CRB1: variants seen among roughly 807,000 people sequenced by gnomAD.
CRB1 encodes protein crumbs homolog 1.
In CRB1, 83 loss-of-function variants were observed where a neutral mutation model predicts 120.0. That is an observed-to-expected ratio of 0.69 (90% CI 0.58 to 0.83). The LOEUF (loss-of-function observed/expected upper bound fraction) is 0.83, where lower values mean the gene tolerates loss of function less well. Among genes scored for constraint, CRB1 ranks in the 40% least tolerant of loss-of-function variants. CRB1 has a pLI of 0.00. For missense variants in CRB1, 1,699 were observed against 1,687.6 expected, an observed-to-expected ratio of 1.01 and a Z score of -0.12; for synonymous variants, 625 against 612.5, an observed-to-expected ratio of 1.02 and a Z score of -0.30.
chr1:197,298,758 G>A (rs1656689057), intron 1 of CRB1, among the ~76,000 whole-genome samples: 1 of 151,908 alleles, frequency 6.6e-6, no homozygotes, highest in African/African-American at 2.4e-5. Context: ...TAAGAGAAAT[G>A]GTATTGCCAT....
chr1:197,363,010 G>A (rs1334414227), intron 5 of CRB1, among the ~76,000 whole-genome samples: 1 of 151,890 alleles, frequency 6.6e-6, no homozygotes, highest in Non-Finnish European at 1.5e-5. Flanking sequence ...TTTCTGTATA[G>A]TGTTTTTAAA....
At chr1:197,393,259 A>G (rs928271063) in intron 5 of CRB1, among the ~76,000 whole-genome samples, 5 of 152,126 alleles carry the variant, frequency 3.3e-5, no homozygotes, top group Non-Finnish European at 7.4e-5. Flanking sequence ...TTCTAGAAGT[A>G]GTCATGGAAA....
At chr1:197,226,960 C>T in the CRB1 span, among the ~76,000 whole-genome samples, 341 of 152,190 alleles carry the variant, frequency 2.2e-3, 3 homozygotes, top group African/African-American at 7.9e-3. Flanking sequence ...GGGGAAACTG[C>T]CCCCATGATT....
chr1:197,448,379 G>C (rs943143723), intron 11 of CRB1, among the ~76,000 whole-genome samples: 5 of 152,128 alleles, frequency 3.3e-5, no homozygotes. Flanking sequence ...AGTTCCACTG[G>C]TCTAGTGCCT....
At chr1:197,264,385 T>C (rs115761303), upstream of CRB1, among the ~76,000 whole-genome samples, 977 of 152,284 alleles carry the variant, frequency 6.4e-3, 14 homozygotes, top group African/African-American at 0.023. Context: ...GATGGACATT[T>C]AGGTTAGTTC....
chr1:197,260,467 A>G, the CRB1 span, among the ~76,000 whole-genome samples: 6 of 152,068 alleles, frequency 3.9e-5, no homozygotes, highest in African/African-American at 1.4e-4. Flanking sequence ...TTAAAATAAA[A>G]TTTGGAATAA....
In CRB1 at chr1:197,442,274, C is replaced by A; in HGVS notation, c.3987C>A (p.Gly1329=). 2 of 1,614,148 alleles carry A rather than the reference C, an allele frequency of 1.2e-6. No homozygotes were observed. The highest frequency in any genetic ancestry group is 1.7e-5 in the Admixed American group (1 of 60,020). Residue 1329 remains glycine (G), a synonymous_variant, in exon 11 of 12, where the codon GGC becomes GGA. Transcript: ENST00000367400. ...GCCTCTGTGATGTTGCCTTTGCTGGCGAGCGCTGCGAGGTGGACGTAAGCA... is the reference window on the plus strand; with the variant it reads ...GCCTCTGTGATGTTGCCTTTGCTGGAGAGCGCTGCGAGGTGGACGTAAGCA... ...FQCLCDVAFA[G]ERCEVDLADD...
intron 5 of CRB1, among the ~76,000 whole-genome samples, chr1:197,368,321 T>C (rs1558087106): frequency 1.3e-5 from 2 of 152,218 alleles, no homozygotes; most frequent in Non-Finnish European, 2.9e-5. Flanking sequence ...TTTGCTTCTA[T>C]CCTCGTTTAC....
In CRB1 at chr1:197,453,524, G is replaced by GTATA. The variant is rs1195905915; in HGVS notation, c.4005+11245_4005+11248dup. 3.8e-3 allele frequency among the ~76,000 whole-genome samples: 469 copies of GTATA among 123,704 alleles called. 4 individuals are homozygous for GTATA. Among genetic ancestry groups the GTATA allele is most frequent in the African/African-American group, 0.01 (346 of 33,972 alleles). 81.2% of individuals were successfully genotyped at this position (123,704 alleles called of 152,430 possible). A position where few individuals can be genotyped will look rare whatever the true frequency, so the allele number is the denominator to read the frequency against. On this transcript the variant is annotated intron_variant, in intron 11 of 11. Transcript: ENST00000367400. Reference sequence around the variant, plus strand: ...TATGTGTATATATATGTGTGTGTGTGTATATATATATATATAGAGAGAGAG... The same window carrying GTATA: ...TATGTGTATATATATGTGTGTGTGTGTATATATATATATATATATAGAGAGAGAG...
At chr1:197,314,341 A>G (rs1381158920) in intron 1 of CRB1, among the ~76,000 whole-genome samples, 4 of 152,210 alleles carry the variant, frequency 2.6e-5, no homozygotes, top group Admixed American at 1.3e-4. Context: ...CAGATATTTT[A>G]CTTTTCAATT....
At chr1:197,227,084 C>T in the CRB1 span, among the ~76,000 whole-genome samples, 10 of 152,110 alleles carry the variant, frequency 6.6e-5, no homozygotes, top group African/African-American at 2.2e-4. Context: ...ATCCTTGACC[C>T]CTCCAAATCT....
At chr1:197,290,840 GTCCATGCTTTTGCAGGACAATT>G (rs1656132508) in intron 1 of CRB1, among the ~76,000 whole-genome samples, 1 of 151,694 alleles carries the variant, frequency 6.6e-6, no homozygotes. Context: ...CATGCTTTTT[GTCCATGCTTTTGCAGGACAATT>G]TCCATGCTTT....
At chr1:197,323,906 C>T (rs1017912515) in intron 1 of CRB1, among the ~76,000 whole-genome samples, 8 of 152,024 alleles carry the variant, frequency 5.3e-5, no homozygotes, top group Non-Finnish European at 1.5e-5. Context: ...ACCTTTGAAC[C>T]GGCAGGACCT....
intron 11 of CRB1, among the ~76,000 whole-genome samples, chr1:197,466,738 G>A (rs1571622880): frequency 6.6e-6 from 1 of 152,212 alleles, no homozygotes; most frequent in African/African-American, 2.4e-5. Context: ...GGATGTCAGG[G>A]ATCCTGCATT....
intron 5 of CRB1, among the ~76,000 whole-genome samples, chr1:197,393,536 T>C (rs181595978): frequency 3.4e-3 from 516 of 152,092 alleles, no homozygotes; most frequent in Non-Finnish European, 5.1e-3. Flanking sequence ...TTTTGAAAGA[T>C]AAAACATTCA....
At chr1:197,291,064 C>T (rs920361947) in intron 1 of CRB1, among the ~76,000 whole-genome samples, 2 of 151,688 alleles carry the variant, frequency 1.3e-5, no homozygotes, top group Non-Finnish European at 2.9e-5. Flanking sequence ...ACTAGTTCAA[C>T]GTTTGTAAAC....
At chr1:197,282,717 C>A (rs186728585) in intron 1 of CRB1, among the ~76,000 whole-genome samples, 1 of 151,752 alleles carries the variant, frequency 6.6e-6, no homozygotes, top group Non-Finnish European at 1.5e-5. Context: ...ATTATTTCTC[C>A]ATTTTATGTT....
chr1:197,394,647 T>G (rs945545471), intron 5 of CRB1, among the ~76,000 whole-genome samples: 1 of 152,002 alleles, frequency 6.6e-6, no homozygotes. Context: ...TTTAATTTAT[T>G]TCTTTAATTT....
At chr1:197,370,963 C>T (rs998355329) in intron 5 of CRB1, among the ~76,000 whole-genome samples, 10 of 152,190 alleles carry the variant, frequency 6.6e-5, no homozygotes, top group Non-Finnish European at 8.8e-5. Flanking sequence ...CTTCTTTGGT[C>T]ATAACTTAGG....
Sources: gnomAD v4.1 joint callset for allele counts (sites outside exome capture counted in the v4.1 genomes callset) on GRCh38, gnomAD v4.1.1 for gene constraint, MANE v1.5 for transcripts, NCBI Gene and HGNC (gene_info 2026-07-23, HGNC 2026-07-21) for gene names.